Variants in FUT8 observed in about 807,000 individuals in gnomAD.
FUT8 encodes the protein alpha-(1,6)-fucosyltransferase.
Under a neutral mutation model 71.3 loss-of-function variants are expected in FUT8, and 29 were observed. The ratio of observed to expected loss-of-function variants is 0.41; its 90% confidence interval spans 0.30 to 0.55. The LOEUF is 0.55. FUT8 is among the 20% of genes least tolerant of loss of function. The probability of loss-of-function intolerance (pLI) is 0.34; values close to 1 mark genes in which losing one functional copy is unlikely to be tolerated. For missense variants in FUT8, 544 were observed against 702.1 expected (o/e 0.77, Z 2.55); for synonymous variants, 254 against 239.3 (o/e 1.06, Z -0.57).
At chr14:65,358,468 A>G in the FUT8 span, among the ~76,000 whole-genome samples, 13 of 151,980 alleles carry the variant, frequency 8.6e-5, no homozygotes, top group African/African-American at 2.7e-4. Flanking sequence ...CTTTTTTTAC[A>G]TTATTATTAT....
the FUT8 span, among the ~76,000 whole-genome samples, chr14:65,389,374 T>TG: frequency 0.015 from 2,185 of 147,924 alleles, 56 homozygotes; most frequent in East Asian, 0.095. Context: ...CACACCCTGA[T>TG]ATTTTTTTTT....
rs1389171303 is a variant in FUT8, at chr14:65,413,886, TGCA to T, written c.-326+676_-326+678del. 6.6e-6 allele frequency among the ~76,000 whole-genome samples: 1 copy of T among 152,166 alleles called. No homozygotes were observed. Among genetic ancestry groups the T allele is most frequent in the Non-Finnish European group, 1.5e-5 (1 of 68,026 alleles). On this transcript the variant is annotated intron_variant, in intron 1 of 10. Transcript: ENST00000673929. This position sits in a 1 kb window ranked among gnomAD's most constrained non-coding sequence, Gnocchi z 4.1. Reference sequence around the variant, plus strand: ...CTGCAGGATTGAGTGGGTTGTCGGGTGCAGCACCTGTTCTTTCTTCACAGTGGG... The same window carrying T: ...CTGCAGGATTGAGTGGGTTGTCGGGTGCACCTGTTCTTTCTTCACAGTGGG...
chr14:65,739,542 G>A (rs958039745), intron 10 of FUT8, among the ~76,000 whole-genome samples: 1 of 152,088 alleles, frequency 6.6e-6, no homozygotes, highest in South Asian at 2.1e-4. Flanking sequence ...TTTAAGAGTG[G>A]AGAGGAGGAA....
intron 2 of FUT8, among the ~76,000 whole-genome samples, chr14:65,554,256 C>G (rs950250622): frequency 1.3e-5 from 2 of 151,692 alleles, no homozygotes; most frequent in Non-Finnish European, 2.9e-5. Flanking sequence ...AATCCCTTAT[C>G]TGTTTTTGTA....
At chr14:65,527,153 A>G (rs1883538161) in intron 2 of FUT8, among the ~76,000 whole-genome samples, 2 of 152,106 alleles carry the variant, frequency 1.3e-5, no homozygotes, top group South Asian at 4.1e-4. Context: ...TATCCTGCAG[A>G]GTGTTTTCCA....
chr14:65,693,681 G>A (rs1425568816), intron 7 of FUT8, among the ~76,000 whole-genome samples: 1 of 152,144 alleles, frequency 6.6e-6, no homozygotes, highest in Non-Finnish European at 1.5e-5. Context: ...TGTGGTTTTG[G>A]TATTAGTGTA....
chr14:65,428,223 T>C (rs543257179), intron 1 of FUT8, among the ~76,000 whole-genome samples: 2 of 151,828 alleles, frequency 1.3e-5, no homozygotes, highest in South Asian at 4.2e-4. Context: ...ATGTAGCCAC[T>C]GTGTGTGTGT....
chr14:65,604,599 G>A (rs1453626271), intron 3 of FUT8, among the ~76,000 whole-genome samples: 2 of 151,778 alleles, frequency 1.3e-5, no homozygotes, highest in African/African-American at 4.8e-5. Flanking sequence ...TACAGCAAAG[G>A]CAGTGCAAAG....
At chr14:65,715,665 C>G (rs373537445) in intron 7 of FUT8, among the ~76,000 whole-genome samples, 1 of 152,058 alleles carries the variant, frequency 6.6e-6, no homozygotes, top group African/African-American at 2.4e-5. Context: ...TTTCCATGAT[C>G]GTTTGTTTCA....
chr14:65,742,218 T>C lies in FUT8; in HGVS notation c.1536T>C (p.Ala512=), dbSNP rs757331899. The C allele has an allele frequency of 5.6e-6, 9 of 1,613,180 alleles. No homozygotes were observed. The highest frequency in any genetic ancestry group is 7.6e-6 in the Non-Finnish European group (9 of 1,179,442). ...CCCACAATCAAATTGCCATTTATGCTCACCAACCCCGAACTGCAGATGAAA... is the reference window on the plus strand; with the variant it reads ...CCCACAATCAAATTGCCATTTATGCCCACCAACCCCGAACTGCAGATGAAA... The part of the protein sequence containing the change: ...QNAHNQIAIY[A]HQPRTADEIP... Residue 512 remains alanine, a synonymous_variant, in exon 11 of 11, where the codon GCT becomes GCC. Coordinates refer to ENST00000673929, the MANE Select transcript of FUT8 (RefSeq NM_001371533.1).
At chr14:65,558,918 G>A (rs1885750634) in intron 2 of FUT8, among the ~76,000 whole-genome samples, 1 of 151,956 alleles carries the variant, frequency 6.6e-6, no homozygotes, top group African/African-American at 2.4e-5. Flanking sequence ...TTATAAAAAT[G>A]TATTGCTTTT....
chr14:65,634,669 T>C (rs1890448180), intron 6 of FUT8, among the ~76,000 whole-genome samples: 1 of 152,202 alleles, frequency 6.6e-6, no homozygotes, highest in Non-Finnish European at 1.5e-5. Context: ...CTGAGTTCTC[T>C]ATTCTGTTGC....
At chr14:65,557,772 AT>A (rs1297021909) in intron 2 of FUT8, among the ~76,000 whole-genome samples, 2 of 152,160 alleles carry the variant, frequency 1.3e-5, no homozygotes, top group Non-Finnish European at 2.9e-5. Context: ...TAATAAATTT[AT>A]AAATTCTTGA....
At chr14:65,690,813 C>T (rs1893540841) in intron 7 of FUT8, among the ~76,000 whole-genome samples, 1 of 152,056 alleles carries the variant, frequency 6.6e-6, no homozygotes. Flanking sequence ...CAACCTCTGC[C>T]TCCCGGGTGC....
rs556348742 is a variant in FUT8 at position 65,480,740 on chromosome 14, G to A, written c.-228+25022G>A. Among the ~76,000 whole-genome samples the A allele has an allele frequency of 1.1e-4, 16 of 151,822 alleles. No individual in the cohort carries two copies. The South Asian group carries it at 3.1e-3, about 30-fold the overall frequency. On this transcript the variant is annotated intron_variant, in intron 2 of 10. Transcript: ENST00000673929. ...GAGTCTCACTCACTCAGGCTGGAGC[G>A]TAGTGGTACTATCTCGGCTCACTGC...
intron 6 of FUT8, among the ~76,000 whole-genome samples, chr14:65,633,071 C>T (rs113064721): frequency 4.8e-4 from 73 of 150,552 alleles, no homozygotes; most frequent in Non-Finnish European, 6.6e-4. Flanking sequence ...GATGCTGAGC[C>T]GAAGCTGGAC....
chr14:65,653,202 G>T (rs1292590085), intron 6 of FUT8, among the ~76,000 whole-genome samples: 2 of 152,044 alleles, frequency 1.3e-5, no homozygotes, highest in African/African-American at 4.8e-5. Context: ...AAAAGCATGT[G>T]GAACTGGAAA....
At chr14:65,654,114 A>G (rs942958394) in intron 6 of FUT8, among the ~76,000 whole-genome samples, 2 of 152,180 alleles carry the variant, frequency 1.3e-5, no homozygotes, top group Non-Finnish European at 2.9e-5. Context: ...ATTTTTTACA[A>G]TGGCCGATGT....
At chr14:65,372,540 C>T in the FUT8 span, among the ~76,000 whole-genome samples, 1 of 151,876 alleles carries the variant, frequency 6.6e-6, no homozygotes, top group African/African-American at 2.4e-5. Flanking sequence ...CTCAGCCTCC[C>T]GAGTAGCTGG....
Sources: gnomAD v4.1 joint callset for allele counts (sites outside exome capture counted in the v4.1 genomes callset) on GRCh38, gnomAD v4.1.1 for gene constraint, Gnocchi (gnomAD v3.1) non-coding constraint, MANE v1.5 for transcripts, NCBI Gene and HGNC (gene_info 2026-07-23, HGNC 2026-07-21) for gene names.